The following ABCA5 variants were observed in gnomAD, a reference collection of about 807,000 sequenced individuals.
ABCA5 encodes the protein cholesterol transporter ABCA5.
Under a neutral mutation model 206.0 loss-of-function variants are expected in ABCA5, and 163 were observed. That is an observed-to-expected ratio of 0.79 (90% CI 0.70 to 0.90). The LOEUF (loss-of-function observed/expected upper bound fraction) is 0.90, where lower values mean the gene tolerates loss of function less well. Among genes scored for constraint, ABCA5 ranks in the 40% least tolerant of loss-of-function variants. ABCA5 has a pLI of 0.00. For missense variants in ABCA5, 1,859 were observed against 1,912.9 expected (o/e 0.97, Z 0.53); for synonymous variants, 609 against 613.8 (o/e 0.99, Z 0.11).
chr17:69,256,426 C>T (rs533971572), intron 28 of ABCA5, 143 bp from the exon 29 acceptor site: 187 of 456,480 alleles, frequency 4.1e-4, no homozygotes, highest in Middle Eastern at 2.6e-3. Context: ...GAATTATAAG[C>T]GATATTTCTT....
Position 69,289,867 on chromosome 17 carries a change from G to A in ABCA5, c.1777C>T (p.Gln593Ter), listed in dbSNP as rs1431342019. The A allele has an allele frequency of 2.5e-6, 4 of 1,599,994 alleles. No individual in the cohort carries two copies. In the African/African-American group the frequency reaches 4.0e-5, roughly 16 times the overall value. Residue 593 changes from glutamine to a stop codon, truncating the protein, a stop_gained, in exon 13 of 39, where the codon CAA becomes TAA. Coordinates refer to ENST00000392676, the MANE Select transcript of ABCA5 (RefSeq NM_172232.4). LOFTEE classifies it high-confidence loss of function. ...TTTCTATATGAATAGCATACTTCTT[G>A]TATTATATTGTTGGCTGGTATCCCT... The part of the protein sequence containing the change: ...IKGIPANNII[Q>*]EVQKVLLDLD...
Position 69,313,167 on chromosome 17 carries a change from T to C in ABCA5, c.232A>G (p.Ile78Val), listed in dbSNP as rs373680676. Reference protein sequence around the residue: ...PMDKFTLSNLILGYTPVTNIT... With the variant: ...PMDKFTLSNLVLGYTPVTNIT... ...TTAGTCACTGGAGTATATCCAAGAA[T>C]TAGATTAGAAAGAGTAAACTTGTCC... is the stretch of plus-strand genomic sequence containing the variant. The change falls in exon 3 of 39, where the codon ATT becomes GTT. Residue 78 changes from isoleucine (I) to valine (V), a missense_variant. Coordinates refer to ENST00000392676, the MANE Select transcript of ABCA5 (RefSeq NM_172232.4). 27 of 1,610,648 alleles carry C rather than the reference T, an allele frequency of 1.7e-5. No homozygotes were observed. The highest frequency in any genetic ancestry group is 2.1e-5 in the Non-Finnish European group (25 of 1,177,666).
chr17:69,271,172 T>G lies in ABCA5; in HGVS notation c.2882A>C (p.His961Pro). The G allele has an allele frequency of 1.2e-6, 2 of 1,611,568 alleles. No individual in the cohort carries two copies. The highest frequency in any genetic ancestry group is 2.2e-5 in the South Asian group (2 of 90,382). The change falls in exon 21 of 39, where the codon CAT becomes CCT. Residue 961 changes from histidine (H) to proline (P), a missense_variant. Physicochemically the swap from His to Pro is moderately conservative, Grantham distance 77. Transcript: ENST00000392676. ...CTGCATTCATCTTACCTTTTCTGAATGCATCACATTTAAAGCCGCACTATG... is the reference window on the plus strand; with the variant it reads ...CTGCATTCATCTTACCTTTTCTGAAGGCATCACATTTAAAGCCGCACTATG... Reference protein sequence around the residue: ...APHSAALNVMHSEKDYVFAAV... With the variant: ...APHSAALNVMPSEKDYVFAAV...
intron 11 of ABCA5, among the ~76,000 whole-genome samples, 167 bp from the exon 12 acceptor site, chr17:69,291,493 C>T (rs568575666): frequency 3.3e-5 from 5 of 151,990 alleles, no homozygotes; most frequent in East Asian, 3.9e-4. Flanking sequence ...TTACAGTCAA[C>T]GATATAAACA....
At chr17:69,291,178 A>G in intron 12 of ABCA5, 38 bp downstream of exon 12, 1 of 1,347,414 alleles carries the variant, frequency 7.4e-7, no homozygotes, top group Non-Finnish European at 1.0e-6. Context: ...AAGAATATAT[A>G]TAATGAAGTT....
At position 69,271,212 on chromosome 17, in the gene ABCA5, CAT is replaced by C. The variant is rs745537399; in HGVS notation, c.2840_2841del (p.Tyr947CysfsTer7). 2.5e-6 allele frequency: 4 copies of C among 1,613,588 alleles called. No homozygotes were observed. The highest frequency in any genetic ancestry group is 3.4e-6 in the Non-Finnish European group (4 of 1,179,704). On this transcript the variant is annotated frameshift_variant, in exon 21 of 39. Transcript: ENST00000392676. LOFTEE classifies it high-confidence loss of function. ...IMVTMINDSD[Y>X]VSVAPHSAAL... Reference sequence around the variant, plus strand: ...GCCGCACTATGGGGAGCCACGGATACATAGTCACTGTCATTAATCATCGTCAC... The same window carrying C: ...GCCGCACTATGGGGAGCCACGGATACAGTCACTGTCATTAATCATCGTCAC...
At chr17:69,264,475 C>T in intron 24 of ABCA5, among the ~76,000 whole-genome samples, 1 of 152,220 alleles carries the variant, frequency 6.6e-6, no homozygotes, top group South Asian at 2.1e-4. Context: ...TAAAACGTTC[C>T]TGATTACACC....
At chr17:69,302,152 C>T (rs915179411) in intron 8 of ABCA5, among the ~76,000 whole-genome samples, 1 of 152,072 alleles carries the variant, frequency 6.6e-6, no homozygotes, top group Non-Finnish European at 1.5e-5. Flanking sequence ...AATTCATGTT[C>T]CACTACAAAG....
chr17:69,298,190 A>T (rs1228312317), intron 9 of ABCA5, among the ~76,000 whole-genome samples: 1 of 149,260 alleles, frequency 6.7e-6, no homozygotes, highest in East Asian at 2.0e-4. Context: ...TGTCTCAAAA[A>T]AGACACAGCA....
At chr17:69,304,000 C>A (rs1291987441) in intron 7 of ABCA5, 1 of 148,544 alleles carries the variant, frequency 6.7e-6, no homozygotes, top group African/African-American at 2.5e-5. Context: ...CATGAGTGTG[C>A]CACTGCACTC....
chr17:69,284,165 T>G, intron 17 of ABCA5, 93 bp from the exon 18 acceptor site: 1 of 1,086,868 alleles, frequency 9.2e-7, no homozygotes, highest in Non-Finnish European at 1.2e-6. Context: ...ATGAACAGCC[T>G]GTGAAACATA....
intron 28 of ABCA5, 47 bp downstream of exon 28, chr17:69,259,659 C>T (rs776205160): frequency 1.4e-5 from 18 of 1,288,416 alleles, no homozygotes; most frequent in Non-Finnish European, 2.0e-5. Context: ...TTACACAGTT[C>T]TGTAAATATA....
At chr17:69,275,492 T>C (rs964608272) in intron 19 of ABCA5, among the ~76,000 whole-genome samples, 3 of 152,176 alleles carry the variant, frequency 2.0e-5, no homozygotes, top group African/African-American at 7.2e-5. Flanking sequence ...TTCAAAAGCA[T>C]ATGGCATTGA....
chr17:69,279,102 G>T (rs1412105467), intron 18 of ABCA5, among the ~76,000 whole-genome samples: 1 of 151,920 alleles, frequency 6.6e-6, no homozygotes, highest in African/African-American at 2.4e-5. Flanking sequence ...AATTGTCCCT[G>T]TTTGCAGATG....
At chr17:69,294,428 A>C (rs1395151600) in intron 11 of ABCA5, among the ~76,000 whole-genome samples, 1 of 152,110 alleles carries the variant, frequency 6.6e-6, no homozygotes, top group Admixed American at 6.5e-5. Flanking sequence ...AGGCTAAGGC[A>C]GGCGAATCAC....
chr17:69,273,954 C>G lies in ABCA5; in HGVS notation c.2764+5G>C. ...ACTCGTTCACAGACCTTCACACACT[C>G]TCACCAGCAGAATTTTGAAGAAGCA... On this transcript the variant is annotated splice_donor_5th_base_variant and intron_variant, in intron 20 of 38. Coordinates refer to ENST00000392676, the MANE Select transcript of ABCA5 (RefSeq NM_172232.4). The G allele has an allele frequency of 1.2e-6, 2 of 1,600,638 alleles. No individual in the cohort carries two copies. The highest frequency in any genetic ancestry group is 1.7e-6 in the Non-Finnish European group (2 of 1,175,872).
intron 13 of ABCA5, 46 bp downstream of exon 13, chr17:69,289,816 T>C (rs2075504001): frequency 1.4e-6 from 2 of 1,431,484 alleles, no homozygotes; most frequent in Non-Finnish European, 1.9e-6. Flanking sequence ...CAAAAGGTTA[T>C]TGATTACAGG....
rs1159074166 is a variant in ABCA5, at chr17:69,271,304, T to C, written c.2765-15A>G. ...GATATCTGAGTCTGGTGTTAGAAAA[T>C]AAGCAAATAATAAAAAATGAGTCTA... On this transcript the variant is annotated splice_polypyrimidine_tract_variant and intron_variant, in intron 20 of 38. Transcript: ENST00000392676. 1.9e-6 allele frequency: 3 copies of C among 1,597,176 alleles called. No individual in the cohort carries two copies. Among genetic ancestry groups the C allele is most frequent in the African/African-American group, 1.3e-5 (1 of 74,114 alleles).
chr17:69,311,724 T>C (rs1462370105), intron 3 of ABCA5, among the ~76,000 whole-genome samples: 1 of 152,114 alleles, frequency 6.6e-6, no homozygotes, highest in Non-Finnish European at 1.5e-5. Context: ...ACCCCTGACC[T>C]CAGGTGATCT....
Sources: allele counts gnomAD v4.1 joint callset (sites outside exome capture counted in the v4.1 genomes callset), GRCh38; gene constraint gnomAD v4.1.1; transcripts MANE v1.5; gene names NCBI Gene and HGNC (gene_info 2026-07-23, HGNC 2026-07-21).